FAF1: variants seen among roughly 807,000 people sequenced by gnomAD.
FAF1 encodes Fas associated factor 1.
FAF1 carries 25 observed loss-of-function variants against 92.5 expected under a neutral mutation model. The ratio of observed to expected loss-of-function variants is 0.27; its 90% CI spans 0.20 to 0.38. The LOEUF is 0.38. FAF1 is among the 10% of genes least tolerant of loss of function. The pLI, the probability that FAF1 is intolerant of heterozygous loss-of-function variation, is 1.00. For missense variants in FAF1, 636 were observed against 793.3 expected (o/e 0.80, Z 2.38); for synonymous variants, 234 against 273.2 (o/e 0.86, Z 1.42).
chr1:50,928,342 G>C (rs181112493), intron 1 of FAF1, among the ~76,000 whole-genome samples: 1 of 152,176 alleles, frequency 6.6e-6, no homozygotes, highest in Non-Finnish European at 1.5e-5. Context: ...ATGGAGAAAA[G>C]AACGTCAAGA....
intron 15 of FAF1, among the ~76,000 whole-genome samples, chr1:50,500,810 A>C (rs1419791658): frequency 6.6e-6 from 1 of 152,132 alleles, no homozygotes. Flanking sequence ...TCAAAGTTAA[A>C]AATTAAATGT....
At chr1:50,700,655 A>C (rs1017036613) in intron 7 of FAF1, among the ~76,000 whole-genome samples, 8 of 152,150 alleles carry the variant, frequency 5.3e-5, no homozygotes, top group African/African-American at 1.9e-4. Context: ...CAGGCATTTC[A>C]AAACTACCAA....
chr1:50,788,999 AT>A (rs1661469233), intron 3 of FAF1, among the ~76,000 whole-genome samples: 1 of 151,922 alleles, frequency 6.6e-6, no homozygotes, highest in Non-Finnish European at 1.5e-5. Context: ...GCCCCAGCTC[AT>A]TTTTGTATTT....
intron 3 of FAF1, among the ~76,000 whole-genome samples, chr1:50,793,701 CTTCA>C (rs1400197844): frequency 3.3e-5 from 5 of 152,158 alleles, no homozygotes; most frequent in African/African-American, 7.2e-5. Flanking sequence ...AGACTAATAC[CTTCA>C]TTGTCTTCCT....
chr1:50,493,189 C>T (rs905513959), intron 15 of FAF1, among the ~76,000 whole-genome samples: 5 of 151,930 alleles, frequency 3.3e-5, no homozygotes, highest in Admixed American at 6.6e-5. Context: ...CCCGACATCA[C>T]GCCCAGCTAA....
intron 8 of FAF1, among the ~76,000 whole-genome samples, chr1:50,613,947 A>G (rs1652790393): frequency 6.6e-6 from 1 of 151,996 alleles, no homozygotes; most frequent in South Asian, 2.1e-4. Flanking sequence ...AAATACAAAA[A>G]TTATCCGGGC....
At chr1:50,709,268 C>A (rs918759110) in intron 6 of FAF1, among the ~76,000 whole-genome samples, 1 of 152,156 alleles carries the variant, frequency 6.6e-6, no homozygotes, top group Admixed American at 6.5e-5. Flanking sequence ...TTAGTAATGA[C>A]CTTCTCTTCT....
chr1:50,500,324 T>A (rs1010788451), intron 15 of FAF1, among the ~76,000 whole-genome samples: 1 of 151,536 alleles, frequency 6.6e-6, no homozygotes, highest in African/African-American at 2.4e-5. Flanking sequence ...AGAAAAAAAA[T>A]GGAAAAAAAA....
intron 4 of FAF1, chr1:50,781,148 G>A (rs1029916354): frequency 9.3e-5 from 25 of 268,836 alleles, no homozygotes; most frequent in African/African-American, 3.4e-4. Flanking sequence ...CGGGTGCCCC[G>A]GTGAGGGTCT....
At chr1:50,950,948 C>G (rs1284593403) in intron 1 of FAF1, among the ~76,000 whole-genome samples, 2 of 152,232 alleles carry the variant, frequency 1.3e-5, no homozygotes, top group East Asian at 3.8e-4. Flanking sequence ...ATATTTGTTT[C>G]AGCCAGGCAA....
chr1:50,780,773 C>A, intron 4 of FAF1: 2 of 315,468 alleles, frequency 6.3e-6, no homozygotes, highest in South Asian at 5.5e-5. Context: ...GGGAGCTGGT[C>A]TCCACACAGG....
Position 50,655,432 on chromosome 1 carries a change from T to C in FAF1, c.744+10A>G, listed in dbSNP as rs1456780535. On this transcript the variant is annotated intron_variant, in intron 8 of 18. Transcript: ENST00000396153. ...GAGGATATAAAACTGAAAATTTGACTGTCACTTACTGAGTCGTCTGTAGCA... is the reference window on the plus strand; with the variant it reads ...GAGGATATAAAACTGAAAATTTGACCGTCACTTACTGAGTCGTCTGTAGCA... The C allele has an allele frequency of 6.3e-7, 1 of 1,597,030 alleles. No individual in the cohort carries two copies. Among genetic ancestry groups the C allele is most frequent in the African/African-American group, 1.3e-5 (1 of 74,638 alleles).
chr1:50,797,341 A>T (rs1462557841), intron 3 of FAF1, among the ~76,000 whole-genome samples: 1 of 152,170 alleles, frequency 6.6e-6, no homozygotes, highest in Admixed American at 6.5e-5. Context: ...ATTCTTTTCT[A>T]TTTAATCATC....
rs112112277 is a variant in FAF1 at position 50,770,447 on chromosome 1, T to A, written c.367+17553A>T. Among the ~76,000 whole-genome samples the A allele has an allele frequency of 3.0e-3, 454 of 152,352 alleles. 3 individuals carry two copies. Among genetic ancestry groups the A allele is most frequent in the African/African-American group, 0.01 (429 of 41,586 alleles). ...ATCAATGTACGAAAATCAGTACCAT[T>A]TCTACATACCTACAATGTCCAAGCT... On this transcript the variant is annotated intron_variant, in intron 4 of 18. Transcript: ENST00000396153.
intron 4 of FAF1, among the ~76,000 whole-genome samples, chr1:50,769,999 C>T (rs1384517419): frequency 6.6e-6 from 1 of 151,982 alleles, no homozygotes; most frequent in African/African-American, 2.4e-5. Flanking sequence ...TGCAGTGAGC[C>T]GAGATCACGC....
rs61273057 is a variant in FAF1, at chr1:50,494,848, C to T, written c.1495-3047G>A. Among the ~76,000 whole-genome samples the T allele has an allele frequency of 9.2e-3, 1,398 of 152,256 alleles. 19 individuals carry two copies. Among genetic ancestry groups the T allele is most frequent in the African/African-American group, 0.032 (1,346 of 41,560 alleles). On this transcript the variant is annotated intron_variant, in intron 15 of 18. Transcript: ENST00000396153. ...ATTATCAGTGCTCAACAGTTATATA[C>T]TAGAAATTCAGAAGCCTCTAAGTAT...
intron 1 of FAF1, among the ~76,000 whole-genome samples, chr1:50,887,114 A>G (rs1376159807): frequency 6.6e-6 from 1 of 152,136 alleles, no homozygotes; most frequent in Admixed American, 6.5e-5. Flanking sequence ...TTTGATTTGC[A>G]TTTCTCTGAT....
intron 7 of FAF1, among the ~76,000 whole-genome samples, chr1:50,680,632 G>A (rs894005912): frequency 6.6e-6 from 1 of 151,860 alleles, no homozygotes; most frequent in Non-Finnish European, 1.5e-5. Flanking sequence ...GCAGTGAGCT[G>A]AGATTGTGCC....
chr1:50,738,936 G>A lies in FAF1; in HGVS notation c.478C>T (p.His160Tyr), dbSNP rs1343324847. Residue 160 changes from histidine to tyrosine, a missense_variant, in exon 6 of 19, where the codon CAC becomes TAC. His to Tyr is a moderately conservative substitution (Grantham distance 83). Coordinates refer to ENST00000396153, the MANE Select transcript of FAF1 (RefSeq NM_007051.3). Reference sequence around the variant, plus strand: ...TAAAGACTGTTGTTTTTTGGCAAGTGTAGAGATTTTAGGACCGTCTGAAAA... The same window carrying A: ...TAAAGACTGTTGTTTTTTGGCAAGTATAGAGATTTTAGGACCGTCTGAAAA... ...VEDSTVLKSL[H>Y]LPKNNSLYVL... 2 of 1,605,024 alleles carry A rather than the reference G, an allele frequency of 1.2e-6. No individual in the cohort carries two copies. The highest frequency in any genetic ancestry group is 1.1e-5 in the South Asian group (1 of 89,802).
Sources: gnomAD v4.1 joint callset for allele counts (sites outside exome capture counted in the v4.1 genomes callset) on GRCh38, gnomAD v4.1.1 for gene constraint, MANE v1.5 for transcripts, NCBI Gene and HGNC (gene_info 2026-07-23, HGNC 2026-07-21) for gene names.